The following THADA variants were observed in gnomAD, a reference collection of about 807,000 sequenced individuals.
THADA encodes tRNA (32-2'-O)-methyltransferase regulator THADA.
A neutral mutation model predicts 219.8 loss-of-function variants in THADA; 213 were observed. The observed-to-expected ratio is 0.97, with a 90% CI of 0.87 to 1.09. THADA has a LOEUF of 1.09. Among genes scored for constraint, THADA ranks in the 50% least tolerant of loss-of-function variants. The probability of loss-of-function intolerance (pLI) is 0.00; values close to 1 mark genes in which losing one functional copy is unlikely to be tolerated. For synonymous variants in THADA, 1,018 were observed against 828.9 expected (o/e 1.23, Z -3.92); for missense variants, 2,956 against 2,311.3 (o/e 1.28, Z -5.72).
At chr2:43,515,363 TATA>T (rs1691580165) in intron 22 of THADA, among the ~76,000 whole-genome samples, 1 of 91,696 alleles carries the variant, frequency 1.1e-5, no homozygotes, top group Non-Finnish European at 2.0e-5. Context: ...ATATATAATA[TATA>T]ATATATAATA....
chr2:43,267,745 G>A (rs907800304), intron 36 of THADA, among the ~76,000 whole-genome samples: 1 of 151,120 alleles, frequency 6.6e-6, no homozygotes, highest in Admixed American at 6.6e-5. Flanking sequence ...CAAGAAAGAA[G>A]GTGTGCGCCC....
At chr2:43,289,130 T>C (rs919551162) in intron 34 of THADA, among the ~76,000 whole-genome samples, 4 of 152,276 alleles carry the variant, frequency 2.6e-5, no homozygotes, top group Non-Finnish European at 4.4e-5. Context: ...ACCCATGCCG[T>C]AGGATGTATC....
chr2:43,250,624 G>A (rs1415168762), intron 36 of THADA, among the ~76,000 whole-genome samples: 1 of 152,116 alleles, frequency 6.6e-6, no homozygotes, highest in Non-Finnish European at 1.5e-5. Context: ...CAAAACTTTG[G>A]GAGGCCAAGA....
intron 20 of THADA, among the ~76,000 whole-genome samples, chr2:43,542,562 T>A (rs1045688811): frequency 6.6e-6 from 1 of 152,224 alleles, no homozygotes; most frequent in Non-Finnish European, 1.5e-5. Context: ...TAACAACTAA[T>A]GATCAAACAA....
intron 27 of THADA, 26 bp from the exon 28 acceptor site, chr2:43,428,257 A>G: frequency 6.4e-7 from 1 of 1,565,136 alleles, no homozygotes. Context: ...TTACACATGA[A>G]AGATTTCACA....
At chr2:43,552,677 C>T (rs1432051172) in intron 17 of THADA, among the ~76,000 whole-genome samples, 1 of 152,116 alleles carries the variant, frequency 6.6e-6, no homozygotes, top group African/African-American at 2.4e-5. Flanking sequence ...AAAAGAACAG[C>T]TTTTCTGAGA....
intron 24 of THADA, among the ~76,000 whole-genome samples, chr2:43,501,111 G>T (rs540668485): frequency 6.6e-6 from 1 of 151,804 alleles, no homozygotes; most frequent in South Asian, 2.1e-4. Flanking sequence ...TTCAAAACCA[G>T]CCCGGCCAAC....
Position 43,566,747 on chromosome 2 carries a change from T to C in THADA, c.2262A>G (p.Ser754=). The change falls in exon 15 of 38, where the codon TCA becomes TCG. Residue 754 remains serine, a synonymous_variant. Coordinates refer to ENST00000405975, the MANE Select transcript of THADA (RefSeq NM_022065.5). ...FPGSSYSTRF[S]ALTILGSIAE... ...CTATTGAACCTAAAATGGTTAAAGC[T>C]GAAAATCTAGTCGAGTAGGAAGATC... The C allele has an allele frequency of 6.3e-7, 1 of 1,588,100 alleles. No homozygotes were observed. The highest frequency in any genetic ancestry group is 8.5e-7 in the Non-Finnish European group (1 of 1,172,036).
chr2:43,254,479 G>A (rs1670111745), intron 36 of THADA, among the ~76,000 whole-genome samples: 1 of 151,944 alleles, frequency 6.6e-6, no homozygotes, highest in Non-Finnish European at 1.5e-5. Context: ...GCATCTGAAA[G>A]AATCCTATTT....
chr2:43,414,557 T>A (rs1189721043), intron 28 of THADA, among the ~76,000 whole-genome samples: 1 of 152,220 alleles, frequency 6.6e-6, no homozygotes, highest in Non-Finnish European at 1.5e-5. Flanking sequence ...TTTGATCTTC[T>A]CTTCCTTGCC....
At chr2:43,359,007 TC>T (rs1270384890) in intron 29 of THADA, among the ~76,000 whole-genome samples, 1 of 152,046 alleles carries the variant, frequency 6.6e-6, no homozygotes, top group Non-Finnish European at 1.5e-5. Context: ...TGGTTGCCCT[TC>T]CCCCTCCATC....
intron 36 of THADA, among the ~76,000 whole-genome samples, chr2:43,263,396 T>C (rs896284209): frequency 6.6e-6 from 1 of 151,122 alleles, no homozygotes; most frequent in Non-Finnish European, 1.5e-5. Context: ...GGTGGGTGGG[T>C]GATTGGGGGG....
At chr2:43,410,233 A>C (rs1676113264) in intron 28 of THADA, among the ~76,000 whole-genome samples, 1 of 152,210 alleles carries the variant, frequency 6.6e-6, no homozygotes, top group Non-Finnish European at 1.5e-5. Context: ...AGTTAAAAAG[A>C]CTGAGCATAC....
chr2:43,571,605 C>G (rs1485577762), intron 13 of THADA, 102 bp downstream of exon 13: 1 of 1,156,202 alleles, frequency 8.6e-7, no homozygotes, highest in African/African-American at 1.5e-5. Flanking sequence ...TAGCCCAATT[C>G]CATGACCATT....
chr2:43,307,479 C>T (rs1338926040), intron 31 of THADA, among the ~76,000 whole-genome samples: 1 of 152,226 alleles, frequency 6.6e-6, no homozygotes, highest in Non-Finnish European at 1.5e-5. Context: ...TGCAAGAAAG[C>T]AGTGAGCTGG....
chr2:43,524,761 T>C (rs572173123), intron 22 of THADA, among the ~76,000 whole-genome samples: 1 of 152,166 alleles, frequency 6.6e-6, no homozygotes, highest in Non-Finnish European at 1.5e-5. Context: ...ACAGGTTGGT[T>C]AAAAGCCAAC....
intron 28 of THADA, 145 bp from the exon 29 acceptor site, chr2:43,398,284 T>C (rs568585344): frequency 1.3e-5 from 10 of 772,466 alleles, no homozygotes; most frequent in Admixed American, 1.1e-4. Context: ...AATGATGTTT[T>C]GTATCTGCAC....
rs539744602 is a variant in THADA at position 43,442,217 on chromosome 2, C to A, written c.3837-11915G>T. Among the ~76,000 whole-genome samples the A allele has an allele frequency of 2.0e-4, 30 of 152,270 alleles. 1 individual carries two copies. The East Asian group carries it at 5.6e-3, about 28-fold the overall frequency. Reference sequence around the variant, plus strand: ...TTGGGAGGCCGAGGTGGGCGGATCCCTTGACGTCAGGAGTTTGAGACCACT... The same window carrying A: ...TTGGGAGGCCGAGGTGGGCGGATCCATTGACGTCAGGAGTTTGAGACCACT... On this transcript the variant is annotated intron_variant, in intron 26 of 37. Coordinates refer to ENST00000405975, the MANE Select transcript of THADA (RefSeq NM_022065.5).
At chr2:43,527,231 T>C (rs1693275413) in intron 22 of THADA, among the ~76,000 whole-genome samples, 1 of 152,224 alleles carries the variant, frequency 6.6e-6, no homozygotes, top group South Asian at 2.1e-4. Flanking sequence ...TGGAAAATAC[T>C]ACCTTTTATT....
Sources: allele counts gnomAD v4.1 joint callset (sites outside exome capture counted in the v4.1 genomes callset), GRCh38; gene constraint gnomAD v4.1.1; transcripts MANE v1.5; gene names NCBI Gene and HGNC (gene_info 2026-07-23, HGNC 2026-07-21).